Variants in GTF2IRD2B observed in about 807,000 individuals in gnomAD.
The protein encoded by GTF2IRD2B is general transcription factor II-I repeat domain-containing protein 2B.
Under a neutral mutation model 55.6 loss-of-function variants are expected in GTF2IRD2B, and 10 were observed. The observed-to-expected ratio is 0.18, with a 90% CI of 0.11 to 0.31. GTF2IRD2B has a LOEUF of 0.31. Among genes scored for constraint, GTF2IRD2B ranks in the 10% least tolerant of loss-of-function variants. The probability of loss-of-function intolerance (pLI) is 1.00; values close to 1 mark genes in which losing one functional copy is unlikely to be tolerated. For missense variants in GTF2IRD2B, 206 were observed against 802.7 expected (o/e 0.26, Z 8.98); for synonymous variants, 107 against 320.5 (o/e 0.33, Z 7.12).
In GTF2IRD2B at chr7:75,113,784, GTGTGTGTGTGT is replaced by G. The variant is rs1808045148; in HGVS notation, c.238+1250_238+1260del. On this transcript the variant is annotated intron_variant, in intron 3 of 15. Coordinates refer to ENST00000472837, the MANE Select transcript of GTF2IRD2B (RefSeq NM_001003795.3). ...AAGGTTCGTCAGAGGGTATAAGGGT[GTGTGTGTGTGT>G]GTGTGTGTGTGTGTGTGTGTGTATG... Among the ~76,000 whole-genome samples, 3 of 104,250 alleles carry G rather than the reference GTGTGTGTGTGT, an allele frequency of 2.9e-5. No homozygotes were observed. In the South Asian group the frequency reaches 9.5e-4, roughly 33 times the overall value. 68.4% of individuals were successfully genotyped at this position (104,250 alleles called of 152,430 possible). A position where few individuals can be genotyped will look rare whatever the true frequency, so the allele number is the denominator to read the frequency against.
intron 4 of GTF2IRD2B, among the ~76,000 whole-genome samples, chr7:75,122,390 G>A (rs1808407406): frequency 8.4e-6 from 1 of 118,390 alleles, no homozygotes; most frequent in Non-Finnish European, 1.6e-5. Flanking sequence ...GAGCCCAGGA[G>A]TTTGAGACCA....
At chr7:75,146,858 G>A (rs1333973322) in intron 15 of GTF2IRD2B, 1 of 148,182 alleles carries the variant, frequency 6.7e-6, no homozygotes, top group East Asian at 2.0e-4. Context: ...AGCACTTTGG[G>A]AGGCCAAGGC....
chr7:75,105,780 G>A (rs1216442002), intron 1 of GTF2IRD2B, among the ~76,000 whole-genome samples: 15 of 152,418 alleles, frequency 9.8e-5, no homozygotes, highest in Admixed American at 2.6e-4. Flanking sequence ...GGTTGCAAAC[G>A]ACACCAGACT....
intron 1 of GTF2IRD2B, among the ~76,000 whole-genome samples, chr7:75,102,540 G>A (rs1807610150): frequency 6.6e-6 from 1 of 151,498 alleles, no homozygotes; most frequent in Admixed American, 6.6e-5. Context: ...GTGGCTCGCA[G>A]CTGTAATCCC....
intron 1 of GTF2IRD2B, 39 bp from the exon 2 acceptor site, chr7:75,108,921 C>T: frequency 1.9e-6 from 1 of 527,274 alleles, no homozygotes; most frequent in Non-Finnish European, 3.3e-6. Context: ...GTTTCAGACT[C>T]TGAATTTTTG....
In GTF2IRD2B at chr7:75,109,083, G is replaced by A; in HGVS notation, c.99+20G>A. 2 of 718,878 alleles carry A rather than the reference G, an allele frequency of 2.8e-6. No individual in the cohort carries two copies. The highest frequency in any genetic ancestry group is 2.9e-5 in the African/African-American group (2 of 68,822). The allele number at this position is 718,878 out of a possible 1,614,324, so 44.5% of individuals were successfully genotyped here. On this transcript the variant is annotated intron_variant, in intron 2 of 15. Coordinates refer to ENST00000472837, the MANE Select transcript of GTF2IRD2B (RefSeq NM_001003795.3). ...TCCATGGTGAGACAGCCGGACACTT[G>A]TCTGACATTCCATAGATGGATCATT...
intron 1 of GTF2IRD2B, among the ~76,000 whole-genome samples, chr7:75,107,377 C>T (rs1223298235): frequency 4.0e-5 from 6 of 151,168 alleles, no homozygotes; most frequent in Non-Finnish European, 7.4e-5. Context: ...AGATCGAGAC[C>T]ATCCTGGCTA....
chr7:75,149,437 G>T lies in GTF2IRD2B; in HGVS notation c.*140G>T. On this transcript the variant is annotated 3_prime_UTR_variant, in exon 16 of 16. Transcript: ENST00000472837. ...GCTCTGTCGCCCAGGTTGGAGTGCA[G>T]TGGCGTGATCTCGGCTTACTGCAAC... is the stretch of plus-strand genomic sequence containing the variant. 1 of 638,040 alleles carries T rather than the reference G, an allele frequency of 1.6e-6. No individual in the cohort carries two copies. The highest frequency in any genetic ancestry group is 2.8e-6 in the Non-Finnish European group (1 of 354,226). 39.5% of individuals were successfully genotyped at this position (638,040 alleles called of 1,614,324 possible).
At chr7:75,136,049 G>A (rs1251025273) in intron 10 of GTF2IRD2B, among the ~76,000 whole-genome samples, 1 of 74,562 alleles carries the variant, frequency 1.3e-5, no homozygotes, top group Non-Finnish European at 2.4e-5. Context: ...GCTGAGGCAC[G>A]AGGATTGCTT....
chr7:75,132,548 CTTTTTTTTTTTTTTTT>C (rs1159887977), intron 8 of GTF2IRD2B, among the ~76,000 whole-genome samples: 1 of 85,316 alleles, frequency 1.2e-5, no homozygotes, highest in South Asian at 4.0e-4. Flanking sequence ...CTCCTTCCTT[CTTTTTTTTTTTTTTTT>C]TTTTTTTTTG....
intron 8 of GTF2IRD2B, 172 bp downstream of exon 8, chr7:75,126,557 C>G (rs2115791841): frequency 1.8e-6 from 1 of 559,472 alleles, no homozygotes; most frequent in Middle Eastern, 5.5e-4. Context: ...AAAAATTAGC[C>G]AGGCGTGGCT....
rs587656457 is a variant in GTF2IRD2B at position 75,132,126 on chromosome 7, G to C, written c.671-1009G>C. On this transcript the variant is annotated intron_variant, in intron 8 of 15. Coordinates refer to ENST00000472837, the MANE Select transcript of GTF2IRD2B (RefSeq NM_001003795.3). ...CTTATGCCTGTAATCCCAGCACTTT[G>C]AGAGACCAAGGTGGGTGGGTGGATC... 4.1e-5 allele frequency among the ~76,000 whole-genome samples: 6 copies of C among 145,032 alleles called. No homozygotes were observed. In the East Asian group the frequency reaches 1.2e-3, roughly 28 times the overall value.
chr7:75,115,668 C>T (rs1162997213), intron 3 of GTF2IRD2B, among the ~76,000 whole-genome samples: 20 of 144,714 alleles, frequency 1.4e-4, no homozygotes, highest in Non-Finnish European at 2.7e-4. Flanking sequence ...TTCCTGACCT[C>T]GTGATCCACC....
At chr7:75,124,034 G>T (rs1288042257) in intron 6 of GTF2IRD2B, among the ~76,000 whole-genome samples, 55 of 147,654 alleles carry the variant, frequency 3.7e-4, no homozygotes, top group Non-Finnish European at 4.3e-4. Flanking sequence ...AAGAAATAAA[G>T]AATATTTTTT....
intron 8 of GTF2IRD2B, among the ~76,000 whole-genome samples, chr7:75,132,345 T>G (rs1808686683): frequency 1.6e-5 from 1 of 61,324 alleles, no homozygotes; most frequent in Non-Finnish European, 3.1e-5. Flanking sequence ...GGCAACAGAG[T>G]GAGACTCTGT....
chr7:75,118,141 G>A (rs1808236533), intron 3 of GTF2IRD2B, among the ~76,000 whole-genome samples: 1 of 151,812 alleles, frequency 6.6e-6, no homozygotes, highest in South Asian at 2.1e-4. Flanking sequence ...GTTTCGCAGT[G>A]AATTTCAGTG....
At chr7:75,105,779 C>G (rs1488958499) in intron 1 of GTF2IRD2B, among the ~76,000 whole-genome samples, 1 of 152,308 alleles carries the variant, frequency 6.6e-6, no homozygotes, top group East Asian at 1.9e-4. Context: ...GGGTTGCAAA[C>G]GACACCAGAC....
intron 8 of GTF2IRD2B, among the ~76,000 whole-genome samples, chr7:75,127,256 A>C (rs1554452567): frequency 6.6e-6 from 1 of 151,324 alleles, no homozygotes; most frequent in African/African-American, 2.4e-5. Context: ...AGGCAGGCAA[A>C]TTGCTTGAAC....
At chr7:75,113,765 C>T (rs1397479405) in intron 3 of GTF2IRD2B, among the ~76,000 whole-genome samples, 1 of 130,910 alleles carries the variant, frequency 7.6e-6, no homozygotes, top group East Asian at 2.1e-4. Flanking sequence ...CAGAAAGGTT[C>T]GTCAGAGGGT....
Sources: gnomAD v4.1 joint callset for allele counts (sites outside exome capture counted in the v4.1 genomes callset) on GRCh38, gnomAD v4.1.1 for gene constraint, MANE v1.5 for transcripts, NCBI Gene and HGNC (gene_info 2026-07-23, HGNC 2026-07-21) for gene names.